The following TRAF6 variants were observed in gnomAD, a reference collection of about 807,000 sequenced individuals.
TRAF6 encodes the protein TNF receptor associated factor 6, also known as TNF receptor-associated factor 6.
TRAF6 carries 10 observed loss-of-function variants against 48.4 expected under a neutral mutation model. The observed-to-expected ratio is 0.21, with a 90% CI of 0.13 to 0.35. TRAF6 has a LOEUF of 0.35. TRAF6 is among the 10% of genes least tolerant of loss of function. The probability of loss-of-function intolerance (pLI) is 1.00; values close to 1 mark genes in which losing one functional copy is unlikely to be tolerated. For synonymous variants in TRAF6, 186 were observed against 219.6 expected (o/e 0.85, Z 1.35); for missense variants, 397 against 661.0 (o/e 0.60, Z 4.38).
intron 1 of TRAF6, among the ~76,000 whole-genome samples, chr11:36,509,670 T>G (rs1590651938): frequency 6.8e-6 from 1 of 147,748 alleles, no homozygotes; most frequent in Non-Finnish European, 1.5e-5. Context: ...TTTTAGGGGG[T>G]GGAATGAGCG....
Position 36,489,718 on chromosome 11 carries a change from A to G in TRAF6, c.*120T>C. On this transcript the variant is annotated 3_prime_UTR_variant, in exon 7 of 7. Coordinates refer to ENST00000526995, the MANE Select transcript of TRAF6 (RefSeq NM_004620.4). The stretch of plus-strand genomic sequence containing the variant: ...AGAAATAGTAAGTGACCTCTCTAAC[A>G]ACACTCACTAGTAGATATTACATAT... 1 of 1,105,162 alleles carries G rather than the reference A, an allele frequency of 9.0e-7. No homozygotes were observed. Among genetic ancestry groups the G allele is most frequent in the South Asian group, 1.6e-5 (1 of 64,376 alleles). The allele number at this position is 1,105,162 out of a possible 1,614,324, so 68.5% of individuals were successfully genotyped here. A position where few individuals can be genotyped will look rare whatever the true frequency, so the allele number is the denominator to read the frequency against.
At chr11:36,493,572 T>G (rs1360550088) in intron 5 of TRAF6, among the ~76,000 whole-genome samples, 1 of 152,260 alleles carries the variant, frequency 6.6e-6, no homozygotes, top group East Asian at 1.9e-4. Flanking sequence ...CAGATCTAGC[T>G]GGCAGGCCAG....
intron 2 of TRAF6, among the ~76,000 whole-genome samples, chr11:36,499,673 T>A (rs761304523): frequency 1.3e-5 from 2 of 152,190 alleles, no homozygotes; most frequent in East Asian, 3.8e-4. Context: ...GTGTAATACA[T>A]CTTTCCCCAA....
intron 1 of TRAF6, among the ~76,000 whole-genome samples, chr11:36,508,316 A>G (rs1413820633): frequency 6.6e-6 from 1 of 151,958 alleles, no homozygotes; most frequent in Non-Finnish European, 1.5e-5. Context: ...ACTACCTTAA[A>G]GATTGTGGAA....
intron 1 of TRAF6, among the ~76,000 whole-genome samples, chr11:36,505,286 C>T (rs1859769786): frequency 6.6e-6 from 1 of 152,170 alleles, no homozygotes; most frequent in South Asian, 2.1e-4. Context: ...CTGGTGTAGC[C>T]ACCTTCATCA....
chr11:36,498,190 T>C (rs1359579944), intron 3 of TRAF6, among the ~76,000 whole-genome samples: 1 of 152,180 alleles, frequency 6.6e-6, no homozygotes, highest in African/African-American at 2.4e-5. Context: ...GGCCGACACC[T>C]GTATTTAAAA....
Position 36,484,720 on chromosome 11 carries a change from C to T in TRAF6, c.*5118G>A, listed in dbSNP as rs1422376788. On this transcript the variant is annotated 3_prime_UTR_variant, in exon 7 of 7. Coordinates refer to ENST00000526995, the MANE Select transcript of TRAF6 (RefSeq NM_004620.4). The stretch of plus-strand genomic sequence containing the variant: ...ATATGCTAAATTACACCTTTTCATC[C>T]CTCTGAGAACATAATTCTGGAAGCT... Among the ~76,000 whole-genome samples the T allele has an allele frequency of 6.6e-6, 1 of 152,126 alleles. No individual in the cohort carries two copies. The highest frequency in any genetic ancestry group is 1.9e-4 in the East Asian group (1 of 5,204).
chr11:36,501,016 AGAG>A (rs1349009508), intron 2 of TRAF6, among the ~76,000 whole-genome samples: 1 of 152,186 alleles, frequency 6.6e-6, no homozygotes, highest in African/African-American at 2.4e-5. Context: ...AAGGGTCAAG[AGAG>A]GAGGAGATTC....
At chr11:36,493,178 T>TA (rs1222158161) in intron 5 of TRAF6, among the ~76,000 whole-genome samples, 1 of 152,150 alleles carries the variant, frequency 6.6e-6, no homozygotes, top group Non-Finnish European at 1.5e-5. Flanking sequence ...ATAGAAGCTC[T>TA]AAAAAAAGTC....
In TRAF6 at chr11:36,489,843, C is replaced by T; in HGVS notation, c.1564G>A (p.Val522Ile). 1 of 1,612,708 alleles carries T rather than the reference C, an allele frequency of 6.2e-7. No homozygotes were observed. The highest frequency in any genetic ancestry group is 1.7e-4 in the Middle Eastern group (1 of 6,054). The change falls in exon 7 of 7, where the codon GTA becomes ATA. Residue 522 changes from valine (V) to isoleucine (I), a missense_variant. This residue lies in a region of TRAF6 where 74 missense variants were observed against 198.9 expected (regional missense o/e 0.37). Coordinates refer to ENST00000526995, the MANE Select transcript of TRAF6 (RefSeq NM_004620.4). ...TTTGAGCAAGTGAGGGCAAGCTATACCCCTGCATCAGTACTTCGTGGCTGA... is the reference window on the plus strand; with the variant it reads ...TTTGAGCAAGTGAGGGCAAGCTATATCCCTGCATCAGTACTTCGTGGCTGA... ...GFQPRSTDAG[V>I]
intron 1 of TRAF6, among the ~76,000 whole-genome samples, chr11:36,506,644 G>A (rs1019969153): frequency 6.6e-6 from 1 of 152,138 alleles, no homozygotes; most frequent in African/African-American, 2.4e-5. Flanking sequence ...GGTCTGAAGA[G>A]ACCTTTTATA....
At chr11:36,507,667 G>A (rs1381391932) in intron 1 of TRAF6, among the ~76,000 whole-genome samples, 1 of 30,662 alleles carries the variant, frequency 3.3e-5, no homozygotes, top group African/African-American at 1.0e-4. Context: ...ATACACACGC[G>A]CGTGTATATA....
rs1391038381 is a variant in TRAF6 at position 36,487,920 on chromosome 11, G to C, written c.*1918C>G. 1 of 152,106 alleles carries C rather than the reference G, an allele frequency of 6.6e-6. No individual in the cohort carries two copies. 9.4% of individuals were successfully genotyped at this position (152,106 alleles called of 1,614,324 possible). On this transcript the variant is annotated 3_prime_UTR_variant, in exon 7 of 7. Coordinates refer to ENST00000526995, the MANE Select transcript of TRAF6 (RefSeq NM_004620.4). ...CATTTAATTTTTTTCTCCGATAAAA[G>C]TACACATTTATTGTAGAAAATGTAA... is the stretch of plus-strand genomic sequence containing the variant.
At position 36,498,034 on chromosome 11, in the gene TRAF6, G is replaced by A. The variant is rs556829582; in HGVS notation, c.447+456C>T. Among the ~76,000 whole-genome samples, 21 of 152,092 alleles carry A rather than the reference G, an allele frequency of 1.4e-4. No individual in the cohort carries two copies. The South Asian group carries it at 4.2e-3, about 30-fold the overall frequency. On this transcript the variant is annotated intron_variant, in intron 3 of 6. Transcript: ENST00000526995. ...TGAGTAGCTGGGATTACAGGTGCACGCCACCATGCCTGGCTAATTTTTGTA... is the reference window on the plus strand; with the variant it reads ...TGAGTAGCTGGGATTACAGGTGCACACCACCATGCCTGGCTAATTTTTGTA...
intron 1 of TRAF6, among the ~76,000 whole-genome samples, chr11:36,503,295 GTT>G (rs781252455): frequency 6.5e-5 from 9 of 139,354 alleles, no homozygotes; most frequent in Admixed American, 7.2e-5. Flanking sequence ...GTTTACTTAA[GTT>G]TTTTTTTTTT....
rs1363575939 is a variant in TRAF6 at position 36,506,004 on chromosome 11, G to C, written c.-23+4044C>G. 5.9e-5 allele frequency among the ~76,000 whole-genome samples: 9 copies of C among 152,002 alleles called. No homozygotes were observed. In the East Asian group the frequency reaches 1.7e-3, roughly 29 times the overall value. ...TCGCTGATCACAGATCACTATAACA[G>C]ACATAATAAAGTTTAAAATATTCCA... On this transcript the variant is annotated intron_variant, in intron 1 of 6. Transcript: ENST00000526995.
chr11:36,501,656 T>A, intron 1 of TRAF6, 119 bp from the exon 2 acceptor site: 1 of 728,136 alleles, frequency 1.4e-6, no homozygotes, highest in Non-Finnish European at 2.0e-6. Flanking sequence ...TCAGCTGTAT[T>A]AATGTTATTT....
rs1408848887 is a variant in TRAF6 at position 36,507,563 on chromosome 11, ACATGTATATGTATACATACACGCG to A, written c.-23+2461_-23+2484del. ...TATATACGTGTATACACGTATATAT[ACATGTATATGTATACATACACGCG>A]CGTGTATATATGTATACATACACGC... On this transcript the variant is annotated intron_variant, in intron 1 of 6. Coordinates refer to ENST00000526995, the MANE Select transcript of TRAF6 (RefSeq NM_004620.4). Among the ~76,000 whole-genome samples the A allele has an allele frequency of 6.3e-4, 3 of 4,756 alleles. 1 individual carries two copies. Among genetic ancestry groups the A allele is most frequent in the African/African-American group, 7.0e-4 (3 of 4,288 alleles). The allele number at this position is 4,756 out of a possible 152,430, so 3.1% of individuals were successfully genotyped here.
At chr11:36,493,832 G>A (rs1045326663) in intron 5 of TRAF6, among the ~76,000 whole-genome samples, 7 of 152,180 alleles carry the variant, frequency 4.6e-5, no homozygotes, top group Admixed American at 4.6e-4. Flanking sequence ...TTAAGGCTTT[G>A]TTGGAAAAAT....
Sources: allele counts gnomAD v4.1 joint callset (sites outside exome capture counted in the v4.1 genomes callset), GRCh38; gene constraint gnomAD v4.1.1; regional missense constraint gnomAD v4.1.1; transcripts MANE v1.5; gene names NCBI Gene and HGNC (gene_info 2026-07-23, HGNC 2026-07-21).